Variants in PTPN4 observed in about 807,000 individuals in gnomAD.
PTPN4 encodes protein tyrosine phosphatase non-receptor type 4, also known as tyrosine-protein phosphatase non-receptor type 4.
In PTPN4, 49 loss-of-function variants were observed where a neutral mutation model predicts 135.5. The ratio of observed to expected loss-of-function variants is 0.36; its 90% CI spans 0.29 to 0.46. PTPN4 has a LOEUF of 0.46. PTPN4 is among the 20% of genes least tolerant of loss of function. The probability of loss-of-function intolerance (pLI) is 1.00; values close to 1 mark genes in which losing one functional copy is unlikely to be tolerated. For missense variants in PTPN4, 860 were observed against 1,101.0 expected, an observed-to-expected ratio of 0.78 and a Z score of 3.10; for synonymous variants, 333 against 369.9, an observed-to-expected ratio of 0.90 and a Z score of 1.14.
At chr2:119,833,625 CT>C (rs1394193919) in intron 2 of PTPN4, among the ~76,000 whole-genome samples, 11 of 152,046 alleles carry the variant, frequency 7.2e-5, no homozygotes, top group Admixed American at 3.3e-4. Flanking sequence ...TGTGAATCAC[CT>C]TCAGTCGGAG....
chr2:119,915,703 A>G (rs1678643349), intron 11 of PTPN4: 1 of 152,204 alleles, frequency 6.6e-6, no homozygotes. Context: ...ATAAATAACA[A>G]ATTGAGTTGT....
intron 18 of PTPN4, among the ~76,000 whole-genome samples, chr2:119,947,433 G>A (rs1285880186): frequency 3.3e-5 from 5 of 151,882 alleles, no homozygotes; most frequent in African/African-American, 1.2e-4. Flanking sequence ...TGTTTTTTGC[G>A]AAAATAACAG....
chr2:119,947,872 T>C (rs372974466), intron 18 of PTPN4, among the ~76,000 whole-genome samples: 1 of 152,000 alleles, frequency 6.6e-6, no homozygotes, highest in African/African-American at 2.4e-5. Context: ...ATCCATGTAG[T>C]AGGATGTGAC....
intron 3 of PTPN4, among the ~76,000 whole-genome samples, chr2:119,873,741 A>G (rs1677946935): frequency 6.6e-6 from 1 of 152,196 alleles, no homozygotes; most frequent in Non-Finnish European, 1.5e-5. Context: ...TAAAATTCAT[A>G]TATATTGTAT....
At chr2:119,895,325 T>A (rs553767112) in intron 9 of PTPN4, among the ~76,000 whole-genome samples, 2 of 152,158 alleles carry the variant, frequency 1.3e-5, no homozygotes, top group Admixed American at 1.3e-4. Flanking sequence ...AGTAGAGAGG[T>A]CAGAACATTT....
At chr2:119,864,854 A>G (rs1274865500) in intron 3 of PTPN4, among the ~76,000 whole-genome samples, 1 of 152,108 alleles carries the variant, frequency 6.6e-6, no homozygotes, top group Admixed American at 6.6e-5. Context: ...CTCAAATAAG[A>G]TACATTCCAA....
intron 2 of PTPN4, among the ~76,000 whole-genome samples, chr2:119,848,684 T>C (rs971122166): frequency 6.6e-6 from 1 of 152,156 alleles, no homozygotes; most frequent in Admixed American, 6.5e-5. Context: ...CACTGCCACC[T>C]CTGCCTCCTG....
intron 1 of PTPN4, among the ~76,000 whole-genome samples, chr2:119,792,274 A>G (rs1375587914): frequency 1.3e-5 from 2 of 152,210 alleles, no homozygotes; most frequent in African/African-American, 2.4e-5. Flanking sequence ...TAAATTGATC[A>G]CTTAAAGATT....
At chr2:119,831,684 T>C (rs532050521) in intron 2 of PTPN4, among the ~76,000 whole-genome samples, 2 of 152,380 alleles carry the variant, frequency 1.3e-5, no homozygotes, top group South Asian at 4.1e-4. Flanking sequence ...TTTCTTTTGA[T>C]TAATGTTTGC....
intron 11 of PTPN4, among the ~76,000 whole-genome samples, chr2:119,916,897 T>G (rs1678661701): frequency 1.3e-5 from 2 of 152,236 alleles, no homozygotes. Context: ...AAATTATTAA[T>G]TCATTCTGCT....
intron 10 of PTPN4, among the ~76,000 whole-genome samples, chr2:119,913,798 A>G (rs1363661007): frequency 6.6e-6 from 1 of 152,210 alleles, no homozygotes; most frequent in Non-Finnish European, 1.5e-5. Flanking sequence ...CAAGAGACAT[A>G]CCTAAAATGT....
intron 2 of PTPN4, among the ~76,000 whole-genome samples, chr2:119,856,818 C>T (rs1677688031): frequency 6.6e-6 from 1 of 152,144 alleles, no homozygotes. Flanking sequence ...GATTCTCTGT[C>T]CAATATTGTA....
intron 26 of PTPN4, among the ~76,000 whole-genome samples, chr2:119,973,734 C>T (rs890919476): frequency 9.0e-5 from 11 of 122,136 alleles, no homozygotes; most frequent in African/African-American, 3.2e-4. Context: ...TTTCTGACGG[C>T]GTGAATTTTG....
chr2:119,888,276 A>G (rs1440323265), intron 9 of PTPN4, among the ~76,000 whole-genome samples: 2 of 152,162 alleles, frequency 1.3e-5, no homozygotes, highest in Admixed American at 1.3e-4. Context: ...TAGATATAAG[A>G]TCATATCATC....
intron 2 of PTPN4, among the ~76,000 whole-genome samples, chr2:119,851,651 A>G (rs72836841): frequency 0.021 from 3,168 of 152,138 alleles, 60 homozygotes; most frequent in Non-Finnish European, 0.033. Context: ...AGGCTCTGCT[A>G]TTTTGTCTCT....
intron 2 of PTPN4, among the ~76,000 whole-genome samples, chr2:119,821,743 C>T (rs1350723704): frequency 2.0e-5 from 3 of 152,112 alleles, no homozygotes; most frequent in African/African-American, 7.2e-5. Context: ...TCAAGAATAT[C>T]TTGTGTGGGA....
intron 26 of PTPN4, among the ~76,000 whole-genome samples, chr2:119,972,175 TAA>T (rs34997921): frequency 3.3e-5 from 5 of 149,976 alleles, no homozygotes; most frequent in Non-Finnish European, 7.4e-5. Context: ...TCTGAAAAAA[TAA>T]AAAAAAAACC....
chr2:119,951,874 T>C, intron 18 of PTPN4, 99 bp from the exon 19 acceptor site: 1 of 940,148 alleles, frequency 1.1e-6, no homozygotes, highest in South Asian at 2.3e-5. Context: ...CTATATGTAG[T>C]TTAGTTCTCC....
chr2:119,814,975 A>G (rs907415611), intron 2 of PTPN4, among the ~76,000 whole-genome samples: 2 of 152,212 alleles, frequency 1.3e-5, no homozygotes, highest in African/African-American at 4.8e-5. Flanking sequence ...ATTAAACACT[A>G]GAAAATTATT....
Sources: gnomAD v4.1 joint callset for allele counts (sites outside exome capture counted in the v4.1 genomes callset) on GRCh38, gnomAD v4.1.1 for gene constraint, MANE v1.5 for transcripts, NCBI Gene and HGNC (gene_info 2026-07-23, HGNC 2026-07-21) for gene names.